The following TMEM132D variants were observed in gnomAD, a reference collection of about 807,000 sequenced individuals.
The protein encoded by TMEM132D is transmembrane protein 132D.
A neutral mutation model predicts 62.3 loss-of-function variants in TMEM132D; 21 were observed. That is an observed-to-expected ratio of 0.34 (90% CI 0.24 to 0.49). The LOEUF is 0.49. TMEM132D is among the 20% of genes least tolerant of loss of function. The probability of loss-of-function intolerance (pLI) is 0.99; values close to 1 mark genes in which losing one functional copy is unlikely to be tolerated. For missense variants in TMEM132D, 1,346 were observed against 1,402.8 expected (o/e 0.96, Z 0.65); for synonymous variants, 621 against 575.6 (o/e 1.08, Z -1.13).
intron 2 of TMEM132D, among the ~76,000 whole-genome samples, chr12:129,679,234 A>T (rs988067146): frequency 5.3e-5 from 8 of 152,026 alleles, no homozygotes; most frequent in African/African-American, 1.7e-4. Context: ...TGAACATGGT[A>T]TATCCATTTC....
intron 1 of TMEM132D, among the ~76,000 whole-genome samples, chr12:129,733,065 CTG>C (rs1022061469): frequency 6.6e-6 from 1 of 152,186 alleles, no homozygotes; most frequent in Non-Finnish European, 1.5e-5. Flanking sequence ...GGGTCCTGAT[CTG>C]TGTCCTTTAC....
chr12:129,434,093 A>G (rs1380090266), intron 3 of TMEM132D, among the ~76,000 whole-genome samples: 1 of 152,208 alleles, frequency 6.6e-6, no homozygotes, highest in East Asian at 1.9e-4. Flanking sequence ...TTATGCAAAC[A>G]TGATCAACAT....
At chr12:129,829,675 C>A (rs1027099515) in intron 1 of TMEM132D, among the ~76,000 whole-genome samples, 5 of 152,104 alleles carry the variant, frequency 3.3e-5, no homozygotes, top group South Asian at 2.1e-4. Flanking sequence ...GTCTCAGGTG[C>A]GAACTGAGAT....
At chr12:129,524,267 A>G (rs1376874247) in intron 3 of TMEM132D, among the ~76,000 whole-genome samples, 2 of 152,154 alleles carry the variant, frequency 1.3e-5, no homozygotes, top group African/African-American at 4.8e-5. Context: ...TGAAAAAAAA[A>G]GAAAGAAACA....
At chr12:129,564,936 G>A (rs2137115679) in intron 2 of TMEM132D, among the ~76,000 whole-genome samples, 1 of 152,284 alleles carries the variant, frequency 6.6e-6, no homozygotes, top group East Asian at 1.9e-4. Flanking sequence ...AAAGTGGGGA[G>A]CCCCTGAGAA....
At chr12:129,523,455 G>T (rs150460221) in intron 3 of TMEM132D, among the ~76,000 whole-genome samples, 113 of 152,240 alleles carry the variant, frequency 7.4e-4, no homozygotes, top group African/African-American at 2.6e-3. Flanking sequence ...TATGCCACAC[G>T]CATGACTCTT....
At chr12:129,508,600 G>T (rs1875411811) in intron 3 of TMEM132D, among the ~76,000 whole-genome samples, 1 of 152,030 alleles carries the variant, frequency 6.6e-6, no homozygotes, top group South Asian at 2.1e-4. Flanking sequence ...TTCGTTTCTT[G>T]TCCTTACATT....
At chr12:129,470,624 G>T (rs190294631) in intron 3 of TMEM132D, among the ~76,000 whole-genome samples, 1 of 152,264 alleles carries the variant, frequency 6.6e-6, no homozygotes. Flanking sequence ...TGTTTAAGGG[G>T]GTTATAAATA....
intron 4 of TMEM132D, among the ~76,000 whole-genome samples, chr12:129,219,295 A>G (rs1464591751): frequency 6.6e-6 from 1 of 152,116 alleles, no homozygotes; most frequent in Non-Finnish European, 1.5e-5. Flanking sequence ...TCCCCTGCAC[A>G]AGCTCTCTTG....
At chr12:129,673,997 C>T (rs952358432) in intron 2 of TMEM132D, among the ~76,000 whole-genome samples, 1 of 152,102 alleles carries the variant, frequency 6.6e-6, no homozygotes, top group African/African-American at 2.4e-5. Flanking sequence ...ACAGAGAAAA[C>T]CCCCGCTGAC....
At chr12:129,805,030 G>T (rs1871931169) in intron 1 of TMEM132D, among the ~76,000 whole-genome samples, 2 of 147,028 alleles carry the variant, frequency 1.4e-5, no homozygotes, top group African/African-American at 2.5e-5. Flanking sequence ...CACTGCTCAA[G>T]GAAATAAAAG....
At chr12:129,465,871 T>TG (rs1405082330) in intron 3 of TMEM132D, among the ~76,000 whole-genome samples, 2 of 152,074 alleles carry the variant, frequency 1.3e-5, no homozygotes, top group Admixed American at 6.5e-5. Flanking sequence ...TTAGTAGAGA[T>TG]GGGGTTTCAC....
At chr12:129,089,505 C>CCA (rs1874828374) in intron 5 of TMEM132D, among the ~76,000 whole-genome samples, 1 of 70,202 alleles carries the variant, frequency 1.4e-5, no homozygotes, top group African/African-American at 3.9e-5. Context: ...CGGGTGTCCT[C>CCA]TATGACCGGG....
At chr12:129,661,954 T>C (rs1880246714) in intron 2 of TMEM132D, among the ~76,000 whole-genome samples, 1 of 152,184 alleles carries the variant, frequency 6.6e-6, no homozygotes, top group Non-Finnish European at 1.5e-5. Context: ...TAATATTTAA[T>C]AAACAGAAAA....
At chr12:129,816,294 C>T (rs941927181) in intron 1 of TMEM132D, among the ~76,000 whole-genome samples, 2 of 152,148 alleles carry the variant, frequency 1.3e-5, no homozygotes, top group Non-Finnish European at 2.9e-5. Context: ...TTCTGATTAT[C>T]ATTTATTACA....
chr12:129,703,807 T>C (rs264465), intron 1 of TMEM132D, among the ~76,000 whole-genome samples: 3,848 of 152,174 alleles, frequency 0.025, 137 homozygotes, highest in East Asian at 0.084. Flanking sequence ...GAAAGGATCA[T>C]TTTTCCCTGA....
intron 4 of TMEM132D, chr12:129,262,202 C>T (rs941961049): frequency 1.3e-5 from 2 of 152,114 alleles, no homozygotes; most frequent in Non-Finnish European, 1.5e-5. Context: ...TATGGTAATA[C>T]CCTTGATCAA....
chr12:129,147,703 T>G (rs767423835), intron 5 of TMEM132D, among the ~76,000 whole-genome samples: 4 of 152,208 alleles, frequency 2.6e-5, no homozygotes, highest in African/African-American at 4.8e-5. Flanking sequence ...GTGCAAGGTG[T>G]CTATTTGACC....
intron 1 of TMEM132D, among the ~76,000 whole-genome samples, chr12:129,878,992 C>G (rs1874514950): frequency 6.6e-6 from 1 of 152,228 alleles, no homozygotes; most frequent in African/African-American, 2.4e-5. Flanking sequence ...TGTAGCTACT[C>G]TCTCAGTTTC....
Sources: gnomAD v4.1 joint callset for allele counts (sites outside exome capture counted in the v4.1 genomes callset) on GRCh38, gnomAD v4.1.1 for gene constraint, MANE v1.5 for transcripts, NCBI Gene and HGNC (gene_info 2026-07-23, HGNC 2026-07-21) for gene names.